GLIS3: variants seen among roughly 807,000 people sequenced by gnomAD.
GLIS3 encodes the protein GLIS family zinc finger 3, also known as zinc finger protein GLIS3.
Under a neutral mutation model 78.6 loss-of-function variants are expected in GLIS3, and 53 were observed. The observed-to-expected ratio is 0.67, with a 90% CI of 0.54 to 0.85. The LOEUF (loss-of-function observed/expected upper bound fraction) is 0.85. Ranked by LOEUF, GLIS3 falls within the 40% of genes least tolerant of loss-of-function variation. The pLI is 0.00. For missense variants in GLIS3, 1,703 were observed against 1,231.1 expected (o/e 1.38, Z -5.74); for synonymous variants, 684 against 509.9 (o/e 1.34, Z -4.60).
intron 2 of GLIS3, among the ~76,000 whole-genome samples, chr9:4,321,386 C>A (rs1285623891): frequency 9.0e-6 from 1 of 110,756 alleles, no homozygotes; most frequent in Non-Finnish European, 1.6e-5. Context: ...GGCGCCACTG[C>A]ACTCCAGCCT....
At chr9:4,037,449 T>C (rs1824413490) in intron 4 of GLIS3, among the ~76,000 whole-genome samples, 1 of 152,076 alleles carries the variant, frequency 6.6e-6, no homozygotes, top group Non-Finnish European at 1.5e-5. Flanking sequence ...TGGCATATAA[T>C]AAATGTTATA....
intron 4 of GLIS3, among the ~76,000 whole-genome samples, chr9:4,053,630 A>G (rs1008849195): frequency 1.3e-5 from 2 of 149,810 alleles, no homozygotes; most frequent in African/African-American, 2.5e-5. Context: ...AATGGTGCTC[A>G]AGGCTAAAAA....
At chr9:3,942,453 T>G (rs1205712349) in intron 4 of GLIS3, among the ~76,000 whole-genome samples, 1 of 152,210 alleles carries the variant, frequency 6.6e-6, no homozygotes, top group African/African-American at 2.4e-5. Flanking sequence ...CTTCTAATCC[T>G]GCAGATACTG....
At chr9:4,487,784 C>G in the GLIS3 span, among the ~76,000 whole-genome samples, 1 of 151,794 alleles carries the variant, frequency 6.6e-6, no homozygotes, top group Non-Finnish European at 1.5e-5. Flanking sequence ...AACTCCCGGG[C>G]TCAAACTATC....
the GLIS3 span, among the ~76,000 whole-genome samples, chr9:4,384,656 A>C: frequency 6.6e-6 from 1 of 151,948 alleles, no homozygotes; most frequent in African/African-American, 2.4e-5. Context: ...CTTATCCCTA[A>C]CCTAAATCAT....
chr9:4,336,132 A>G (rs1817752753), intron 2 of GLIS3, among the ~76,000 whole-genome samples: 1 of 152,238 alleles, frequency 6.6e-6, no homozygotes, highest in Admixed American at 6.5e-5. Context: ...TCACAATAGC[A>G]GTAGAAAGCA....
intron 2 of GLIS3, among the ~76,000 whole-genome samples, chr9:4,231,629 A>G (rs1177204204): frequency 1.3e-5 from 2 of 152,246 alleles, no homozygotes; most frequent in African/African-American, 4.8e-5. Context: ...TTAGATGCTT[A>G]GGAAACGTCT....
At chr9:4,233,476 A>G (rs1280331110) in intron 2 of GLIS3, among the ~76,000 whole-genome samples, 1 of 152,238 alleles carries the variant, frequency 6.6e-6, no homozygotes, top group African/African-American at 2.4e-5. Flanking sequence ...ATGACTAGTA[A>G]TATTTTGAAG....
chr9:4,483,425 A>T, the GLIS3 span, among the ~76,000 whole-genome samples: 1 of 152,154 alleles, frequency 6.6e-6, no homozygotes, highest in African/African-American at 2.4e-5. Context: ...TTCCTTACAT[A>T]AGAGGTGTTG....
In GLIS3 at chr9:4,145,908, T is replaced by C. The variant is rs112265884; in HGVS notation, c.389-19967A>G. On this transcript the variant is annotated intron_variant, in intron 2 of 10. Transcript: ENST00000381971. ...AGCCTGTATGATAAACTACAAAATA[T>C]AGAAATTCCTAAAAAGGTCATTTCC... 3.8e-3 allele frequency among the ~76,000 whole-genome samples: 576 copies of C among 152,264 alleles called. 4 individuals are homozygous for C. The highest frequency in any genetic ancestry group is 0.012 in the African/African-American group (501 of 41,552).
chr9:4,479,683 G>C, the GLIS3 span, among the ~76,000 whole-genome samples: 1 of 152,074 alleles, frequency 6.6e-6, no homozygotes, highest in Non-Finnish European at 1.5e-5. Flanking sequence ...GCCTTGCTGT[G>C]TTGGTGTTGG....
At chr9:4,237,026 A>C (rs1822824070) in intron 2 of GLIS3, among the ~76,000 whole-genome samples, 1 of 151,974 alleles carries the variant, frequency 6.6e-6, no homozygotes, top group Non-Finnish European at 1.5e-5. Flanking sequence ...ACATGTGGCC[A>C]CTCTTACTCT....
chr9:3,861,412 A>G (rs1030028161), intron 8 of GLIS3, among the ~76,000 whole-genome samples: 10 of 152,250 alleles, frequency 6.6e-5, no homozygotes, highest in African/African-American at 2.4e-4. Context: ...TTATGTACCC[A>G]AATCCCATTA....
chr9:4,328,120 C>T (rs1420139926), intron 2 of GLIS3, among the ~76,000 whole-genome samples: 1 of 152,154 alleles, frequency 6.6e-6, no homozygotes, highest in Non-Finnish European at 1.5e-5. Context: ...GATGGAAAAG[C>T]CCTGGATGCT....
chr9:4,420,061 T>C, the GLIS3 span, among the ~76,000 whole-genome samples: 1 of 152,150 alleles, frequency 6.6e-6, no homozygotes, highest in Non-Finnish European at 1.5e-5. Context: ...TCCTGAAGCC[T>C]GGCTGTTGAA....
chr9:4,064,035 G>A (rs181420715), intron 4 of GLIS3, among the ~76,000 whole-genome samples: 88 of 152,044 alleles, frequency 5.8e-4, no homozygotes, highest in African/African-American at 2.1e-3. Context: ...AAATGTAGAA[G>A]CTCAATAGTT....
intron 4 of GLIS3, among the ~76,000 whole-genome samples, chr9:4,043,790 C>A (rs1825024896): frequency 6.6e-6 from 1 of 152,176 alleles, no homozygotes; most frequent in Non-Finnish European, 1.5e-5. Flanking sequence ...CTGAGTAACA[C>A]AAAAGAGAGA....
the GLIS3 span, among the ~76,000 whole-genome samples, chr9:4,446,984 G>T: frequency 6.6e-6 from 1 of 152,014 alleles, no homozygotes; most frequent in East Asian, 1.9e-4. Context: ...TTCTTACTCT[G>T]CTACCCTTAC....
intron 2 of GLIS3, among the ~76,000 whole-genome samples, chr9:4,246,578 G>A (rs1226694750): frequency 6.6e-6 from 1 of 152,106 alleles, no homozygotes; most frequent in Non-Finnish European, 1.5e-5. Flanking sequence ...AGAAGCCATA[G>A]CCCATTACTG....
Sources: gnomAD v4.1 joint callset for allele counts (sites outside exome capture counted in the v4.1 genomes callset) on GRCh38, gnomAD v4.1.1 for gene constraint, MANE v1.5 for transcripts, NCBI Gene and HGNC (gene_info 2026-07-23, HGNC 2026-07-21) for gene names.